Variants in P2RX7 observed in about 807,000 individuals in gnomAD.
The protein encoded by P2RX7 is purinergic receptor P2X 7.
A neutral mutation model predicts 71.6 loss-of-function variants in P2RX7; 62 were observed. The ratio of observed to expected loss-of-function variants is 0.87; its 90% CI spans 0.71 to 1.07. The LOEUF is 1.07. Ranked by LOEUF, P2RX7 falls within the 50% of genes least tolerant of loss-of-function variation. The probability of loss-of-function intolerance (pLI) is 0.00; values close to 1 mark genes in which losing one functional copy is unlikely to be tolerated. For synonymous variants in P2RX7, 299 were observed against 283.3 expected, an observed-to-expected ratio of 1.06 and a Z score of -0.56; for missense variants, 686 against 748.5, an observed-to-expected ratio of 0.92 and a Z score of 0.97.
Position 121,167,525 on chromosome 12 carries a change from A to G in P2RX7, c.782A>G (p.Asn261Ser), listed in dbSNP as rs984226907. 3 of 1,613,866 alleles carry G rather than the reference A, an allele frequency of 1.9e-6. No individual in the cohort carries two copies. The highest frequency in any genetic ancestry group is 2.2e-5 in the East Asian group (1 of 44,830). ...GGCATTGAGATCTACTGGGACTGCA[A>G]CCTAGACCGTTGGTTCCATCACTGC... ...IMGIEIYWDCNLDRWFHHCRP... is the reference protein window; with the variant it reads ...IMGIEIYWDCSLDRWFHHCRP... Residue 261 changes from asparagine to serine, a missense_variant, in exon 8 of 13, where the codon AAC becomes AGC. Coordinates refer to ENST00000328963, the MANE Select transcript of P2RX7 (RefSeq NM_002562.6).
chr12:121,163,360 A>ACACACG (rs1555226400), intron 5 of P2RX7, among the ~76,000 whole-genome samples: 4 of 144,258 alleles, frequency 2.8e-5, no homozygotes, highest in African/African-American at 1.0e-4. Flanking sequence ...ACACACACGC[A>ACACACG]CACACACACA....
chr12:121,176,713 C>T (rs1323772871), intron 9 of P2RX7, among the ~76,000 whole-genome samples: 1 of 145,796 alleles, frequency 6.9e-6, no homozygotes, highest in African/African-American at 2.6e-5. Context: ...GATTGCGCCA[C>T]TGCACTCCAG....
At chr12:121,182,952 C>T (rs189283733) in intron 12 of P2RX7, among the ~76,000 whole-genome samples, 6 of 151,994 alleles carry the variant, frequency 3.9e-5, no homozygotes, top group African/African-American at 9.7e-5. Context: ...CCGAGGCAGG[C>T]GGATCACAAG....
intron 1 of P2RX7, among the ~76,000 whole-genome samples, chr12:121,146,558 C>T (rs756449606): frequency 6.6e-6 from 1 of 152,136 alleles, no homozygotes; most frequent in Non-Finnish European, 1.5e-5. Context: ...TCCCAAAGTG[C>T]TGGGATTACA....
At chr12:121,174,676 CA>C (rs1201443819) in intron 8 of P2RX7, among the ~76,000 whole-genome samples, 1 of 152,108 alleles carries the variant, frequency 6.6e-6, no homozygotes, top group Non-Finnish European at 1.5e-5. Flanking sequence ...TACCACCGCC[CA>C]CTCCCACTTT....
chr12:121,179,071 G>T (rs1046093427), intron 11 of P2RX7, among the ~76,000 whole-genome samples: 2 of 152,058 alleles, frequency 1.3e-5, no homozygotes, highest in Non-Finnish European at 2.9e-5. Context: ...GCTTAGGGTG[G>T]GGGAGTAGGA....
At chr12:121,165,920 GC>G in intron 6 of P2RX7, 137 bp from the exon 7 acceptor site, 1 of 845,840 alleles carries the variant, frequency 1.2e-6, no homozygotes, top group Admixed American at 2.5e-5. Flanking sequence ...AGAGGCCACT[GC>G]CCAGGGGTCC....
At chr12:121,153,449 G>A (rs1877887337) in intron 1 of P2RX7, among the ~76,000 whole-genome samples, 2 of 151,896 alleles carry the variant, frequency 1.3e-5, no homozygotes, top group African/African-American at 4.8e-5. Flanking sequence ...AGGCCAAGGT[G>A]GGTGGATCCC....
rs989954669 is a variant in P2RX7, at chr12:121,149,309, G to A, written c.126-5476G>A. 6.6e-6 allele frequency among the ~76,000 whole-genome samples: 1 copy of A among 152,126 alleles called. No individual in the cohort carries two copies. On this transcript the variant is annotated intron_variant, in intron 1 of 12. Coordinates refer to ENST00000328963, the MANE Select transcript of P2RX7 (RefSeq NM_002562.6). This position sits in a 1 kb window ranked among gnomAD's most constrained non-coding sequence, Gnocchi z 4.7. ...TCCTCAGCCAGACTTGCCTGTGAGT[G>A]CCCCTTGATGGCTGTATTAGTCTGT...
chr12:121,181,792 G>A (rs1279296692), intron 12 of P2RX7, among the ~76,000 whole-genome samples: 5 of 152,166 alleles, frequency 3.3e-5, no homozygotes, highest in Non-Finnish European at 7.3e-5. Context: ...GGGAGGCAGA[G>A]CTTGCAGTGA....
chr12:121,137,821 C>T (rs1421052508), intron 1 of P2RX7, among the ~76,000 whole-genome samples: 1 of 152,208 alleles, frequency 6.6e-6, no homozygotes, highest in Admixed American at 6.5e-5. Flanking sequence ...GTTCAGGATA[C>T]AGCAGCAAGT....
chr12:121,156,018 TATA>T (rs1878500910), intron 2 of P2RX7, 58 bp from the exon 3 acceptor site: 16 of 1,432,892 alleles, frequency 1.1e-5, no homozygotes, highest in Non-Finnish European at 1.6e-5. Flanking sequence ...GCTGGATTAT[TATA>T]ATTAAGTAGT....
At chr12:121,148,420 G>T (rs1876700332) in intron 1 of P2RX7, among the ~76,000 whole-genome samples, 1 of 151,786 alleles carries the variant, frequency 6.6e-6, no homozygotes, top group Admixed American at 6.6e-5. Context: ...TCGCCATGTT[G>T]CCCAGGCTGG....
chr12:121,156,227 G>A (rs1878550251), intron 3 of P2RX7, 80 bp downstream of exon 3: 2 of 1,145,404 alleles, frequency 1.7e-6, no homozygotes, highest in Non-Finnish European at 2.6e-6. Flanking sequence ...CAGAAATGCG[G>A]ACCCTGGGGT....
chr12:121,143,765 T>A (rs1190498260), intron 1 of P2RX7, among the ~76,000 whole-genome samples: 2 of 151,938 alleles, frequency 1.3e-5, no homozygotes, highest in African/African-American at 4.8e-5. Context: ...GGCAGGAGAA[T>A]CGCTTGAACT....
chr12:121,169,315 C>T (rs1209434345), intron 8 of P2RX7, among the ~76,000 whole-genome samples: 1 of 152,072 alleles, frequency 6.6e-6, no homozygotes, highest in Admixed American at 6.6e-5. Flanking sequence ...TCAAAGTCAT[C>T]TATTATTGTT....
chr12:121,138,991 G>A (rs1294403665), intron 1 of P2RX7, among the ~76,000 whole-genome samples: 3 of 152,140 alleles, frequency 2.0e-5, no homozygotes, highest in African/African-American at 7.2e-5. Flanking sequence ...ACCGAGACTG[G>A]AGTGCAGTGG....
chr12:121,143,998 T>A (rs1345273702), intron 1 of P2RX7, among the ~76,000 whole-genome samples: 2 of 152,328 alleles, frequency 1.3e-5, no homozygotes, highest in African/African-American at 4.8e-5. Flanking sequence ...GAACATTTCA[T>A]CAGCCCAGTA....
intron 3 of P2RX7, among the ~76,000 whole-genome samples, chr12:121,157,273 C>G (rs1878764052): frequency 1.3e-5 from 2 of 152,194 alleles, no homozygotes; most frequent in Admixed American, 6.5e-5. Flanking sequence ...CTCACGGGCC[C>G]ACTCTGGCAA....
Sources: allele counts gnomAD v4.1 joint callset (sites outside exome capture counted in the v4.1 genomes callset), GRCh38; gene constraint gnomAD v4.1.1; non-coding constraint Gnocchi (gnomAD v3.1); transcripts MANE v1.5; gene names NCBI Gene and HGNC (gene_info 2026-07-23, HGNC 2026-07-21).